KAT7: variants seen among roughly 807,000 people sequenced by gnomAD.
The protein encoded by KAT7 is histone acetyltransferase KAT7.
A neutral mutation model predicts 82.1 loss-of-function variants in KAT7; 10 were observed. The ratio of observed to expected loss-of-function variants is 0.12; its 90% confidence interval spans 0.08 to 0.21. The LOEUF (loss-of-function observed/expected upper bound fraction) is 0.21. KAT7 is among the 10% of genes least tolerant of loss of function. KAT7 has a pLI of 1.00. For synonymous variants in KAT7, 250 were observed against 262.5 expected, an observed-to-expected ratio of 0.95 and a Z score of 0.46; for missense variants, 378 against 760.9, an observed-to-expected ratio of 0.50 and a Z score of 5.92.
At chr17:49,792,702 G>T (rs1276796046) in intron 2 of KAT7, among the ~76,000 whole-genome samples, 1 of 152,152 alleles carries the variant, frequency 6.6e-6, no homozygotes, top group Non-Finnish European at 1.5e-5. Flanking sequence ...ATTAAAAATA[G>T]GCTTTGTGTT....
intron 6 of KAT7, among the ~76,000 whole-genome samples, chr17:49,810,143 G>A (rs2074143625): frequency 1.3e-5 from 2 of 152,212 alleles, no homozygotes; most frequent in African/African-American, 4.8e-5. Flanking sequence ...CCTGGCAGGG[G>A]AGTCAGCTAA....
At chr17:49,796,334 C>T (rs2073955528) in intron 2 of KAT7, among the ~76,000 whole-genome samples, 1 of 152,178 alleles carries the variant, frequency 6.6e-6, no homozygotes, top group African/African-American at 2.4e-5. Flanking sequence ...ATTTATAAAG[C>T]ACTCTGTACC....
chr17:49,793,871 GCTTTGGTCA>G (rs1387937670), intron 2 of KAT7, among the ~76,000 whole-genome samples: 27 of 152,182 alleles, frequency 1.8e-4, no homozygotes, highest in African/African-American at 6.3e-4. Flanking sequence ...GCGCCCTGCT[GCTTTGGTCA>G]CTTTTATATG....
chr17:49,809,629 C>T (rs1402035645), intron 6 of KAT7, among the ~76,000 whole-genome samples: 1 of 152,172 alleles, frequency 6.6e-6, no homozygotes, highest in Non-Finnish European at 1.5e-5. Context: ...TTATCTCTTC[C>T]CTTGGTTTGT....
rs948419323 is a variant in KAT7, at chr17:49,833,986, G to T, written c.*6484G>T. 15 of 152,286 alleles carry T rather than the reference G, an allele frequency of 9.8e-5. No homozygotes were observed. The highest frequency in any genetic ancestry group is 3.1e-4 in the African/African-American group (13 of 41,554). 9.4% of individuals were successfully genotyped at this position (152,286 alleles called of 1,614,324 possible). The stretch of plus-strand genomic sequence containing the variant: ...TTCCAGGGGACACTGTTTATGTTCC[G>T]TGTAAATGGCAGCCTCAGTTCACCT... On this transcript the variant is annotated 3_prime_UTR_variant, in exon 15 of 15. Coordinates refer to ENST00000259021, the MANE Select transcript of KAT7 (RefSeq NM_007067.5).
intron 5 of KAT7, among the ~76,000 whole-genome samples, chr17:49,807,761 T>C (rs369235143): frequency 2.6e-5 from 4 of 152,210 alleles, no homozygotes; most frequent in Admixed American, 2.0e-4. Context: ...TAAGACTAGG[T>C]TGGATTCAGG....
chr17:49,791,218 A>C (rs1453319804), intron 1 of KAT7, among the ~76,000 whole-genome samples: 1 of 152,248 alleles, frequency 6.6e-6, no homozygotes, highest in African/African-American at 2.4e-5. Context: ...AAAATGTGAT[A>C]GCTTTTCATG....
Sources: allele counts gnomAD v4.1 joint callset (sites outside exome capture counted in the v4.1 genomes callset), GRCh38; gene constraint gnomAD v4.1.1; transcripts MANE v1.5; gene names NCBI Gene and HGNC (gene_info 2026-07-23, HGNC 2026-07-21).